Variants in PLCH1 observed in about 807,000 individuals in gnomAD.
The protein encoded by PLCH1 is phospholipase C eta 1.
Under a neutral mutation model 126.7 loss-of-function variants are expected in PLCH1, and 60 were observed. The observed-to-expected ratio is 0.47, with a 90% CI of 0.38 to 0.59. The LOEUF is 0.59. Among genes scored for constraint, PLCH1 ranks in the 20% least tolerant of loss-of-function variants. The probability of loss-of-function intolerance (pLI) is 0.00; values close to 1 mark genes in which losing one functional copy is unlikely to be tolerated. For synonymous variants in PLCH1, 719 were observed against 734.9 expected (o/e 0.98, Z 0.35); for missense variants, 1,723 against 2,040.0 (o/e 0.84, Z 2.99).
intron 1 of PLCH1, among the ~76,000 whole-genome samples, chr3:155,706,902 C>A (rs1382270534): frequency 1.3e-5 from 2 of 152,132 alleles, no homozygotes; most frequent in African/African-American, 2.4e-5. Flanking sequence ...CCTCACCCAA[C>A]AGCCAGCATC....
At chr3:155,542,008 C>T (rs893755281) in intron 10 of PLCH1, among the ~76,000 whole-genome samples, 2 of 152,210 alleles carry the variant, frequency 1.3e-5, no homozygotes, top group Admixed American at 6.5e-5. Flanking sequence ...GGGTTCATCT[C>T]ACTAGGGAGT....
At chr3:155,490,456 T>C (rs1716010376) in intron 19 of PLCH1, among the ~76,000 whole-genome samples, 1 of 152,144 alleles carries the variant, frequency 6.6e-6, no homozygotes, top group African/African-American at 2.4e-5. Flanking sequence ...ACGCATGTCA[T>C]AAAAATACAA....
chr3:155,533,452 A>C (rs1172434364), intron 10 of PLCH1, among the ~76,000 whole-genome samples: 1 of 152,222 alleles, frequency 6.6e-6, no homozygotes, highest in Non-Finnish European at 1.5e-5. Context: ...AGGCTGAGGC[A>C]GGAGAATTGC....
chr3:155,488,890 G>T, intron 19 of PLCH1, 84 bp from the exon 20 acceptor site: 1 of 1,212,220 alleles, frequency 8.2e-7, no homozygotes. Context: ...AAAGCAGACG[G>T]TGAAAATTGC....
chr3:155,505,559 A>G (rs1718531327), intron 12 of PLCH1, among the ~76,000 whole-genome samples: 1 of 152,196 alleles, frequency 6.6e-6, no homozygotes, highest in South Asian at 2.1e-4. Flanking sequence ...GGATCTGTAT[A>G]TGCCCATAGA....
At chr3:155,647,115 C>T (rs968685654) in intron 2 of PLCH1, among the ~76,000 whole-genome samples, 6 of 152,120 alleles carry the variant, frequency 3.9e-5, no homozygotes, top group African/African-American at 1.4e-4. Context: ...ACTCTCTTCT[C>T]AGAGAGTGAA....
chr3:155,469,064 G>A (rs1052378398), intron 21 of PLCH1, among the ~76,000 whole-genome samples: 2 of 152,216 alleles, frequency 1.3e-5, no homozygotes, highest in Middle Eastern at 3.4e-3. Flanking sequence ...GGAATAATAG[G>A]GGGAGGAGCC....
At chr3:155,614,998 AC>A (rs1329822572) in intron 2 of PLCH1, among the ~76,000 whole-genome samples, 1 of 152,208 alleles carries the variant, frequency 6.6e-6, no homozygotes, top group African/African-American at 2.4e-5. Context: ...TAAATGGAAA[AC>A]CCAAAAAGTG....
At chr3:155,494,109 C>A in intron 17 of PLCH1, 32 bp downstream of exon 17, 1 of 1,503,244 alleles carries the variant, frequency 6.7e-7, no homozygotes, top group South Asian at 1.1e-5. Flanking sequence ...TTAACACACA[C>A]CTGCATTTAT....
chr3:155,453,728 AATT>A (rs1712370064), intron 21 of PLCH1, among the ~76,000 whole-genome samples: 1 of 148,210 alleles, frequency 6.7e-6, no homozygotes, highest in Admixed American at 6.7e-5. Flanking sequence ...AATAATTAGA[AATT>A]AATAATTTCT....
At chr3:155,548,764 C>A (rs532572952) in intron 10 of PLCH1, among the ~76,000 whole-genome samples, 6 of 152,156 alleles carry the variant, frequency 3.9e-5, no homozygotes, top group Non-Finnish European at 8.8e-5. Flanking sequence ...ATTCAAAATA[C>A]CTTTATGCAT....
intron 8 of PLCH1, among the ~76,000 whole-genome samples, chr3:155,562,516 ATAATCTGTCTTCACT>A (rs1727768643): frequency 6.6e-6 from 1 of 152,208 alleles, no homozygotes; most frequent in Non-Finnish European, 1.5e-5. Context: ...GATCAATTCC[ATAATCTGTCTTCACT>A]ACTTCTCTAA....
intron 1 of PLCH1, among the ~76,000 whole-genome samples, chr3:155,726,652 C>T (rs571235438): frequency 4.0e-5 from 6 of 151,324 alleles, no homozygotes; most frequent in African/African-American, 1.4e-4. Flanking sequence ...AATTTTCTTT[C>T]CTCTCTTCTT....
intron 6 of PLCH1, among the ~76,000 whole-genome samples, chr3:155,573,509 T>C (rs1729532927): frequency 6.6e-6 from 1 of 152,208 alleles, no homozygotes; most frequent in South Asian, 2.1e-4. Context: ...TGCCAGATGG[T>C]ACAAGATGGC....
At chr3:155,526,486 T>TCACACACACACA (rs1161518737) in intron 10 of PLCH1, among the ~76,000 whole-genome samples, 2 of 86,900 alleles carry the variant, frequency 2.3e-5, no homozygotes, top group African/African-American at 8.7e-5. Context: ...TCTCTCTCTC[T>TCACACACACACA]CATACACACA....
intron 2 of PLCH1, among the ~76,000 whole-genome samples, chr3:155,692,493 T>A (rs1390670142): frequency 2.0e-5 from 3 of 151,226 alleles, no homozygotes; most frequent in Non-Finnish European, 2.9e-5. Context: ...GATGGAAACA[T>A]CTGGGTCCCA....
At chr3:155,469,917 C>T (rs1255699050) in intron 21 of PLCH1, among the ~76,000 whole-genome samples, 2 of 152,134 alleles carry the variant, frequency 1.3e-5, no homozygotes, top group African/African-American at 4.8e-5. Flanking sequence ...ACACCAAAAA[C>T]CCATCTGTAC....
chr3:155,588,324 G>A (rs779489311), intron 4 of PLCH1, among the ~76,000 whole-genome samples: 1 of 152,090 alleles, frequency 6.6e-6, no homozygotes, highest in Non-Finnish European at 1.5e-5. Flanking sequence ...GATCTGGGGG[G>A]AAAGTAACCG....
intron 10 of PLCH1, among the ~76,000 whole-genome samples, chr3:155,545,991 C>G (rs2108426248): frequency 6.6e-6 from 1 of 151,682 alleles, no homozygotes; most frequent in East Asian, 1.9e-4. Flanking sequence ...ACAGGGATGC[C>G]CTCTCTCACC....
Sources: gnomAD v4.1 joint callset for allele counts (sites outside exome capture counted in the v4.1 genomes callset) on GRCh38, gnomAD v4.1.1 for gene constraint, MANE v1.5 for transcripts, NCBI Gene and HGNC (gene_info 2026-07-23, HGNC 2026-07-21) for gene names.